The following RNF2 variants were observed in gnomAD, a reference collection of about 807,000 sequenced individuals.
RNF2 encodes E3 ubiquitin-protein ligase RING2.
A neutral mutation model predicts 37.2 loss-of-function variants in RNF2; 6 were observed. That is an observed-to-expected ratio of 0.16 (90% CI 0.09 to 0.32). The LOEUF is 0.32. RNF2 is among the 10% of genes least tolerant of loss of function. The pLI, the probability that RNF2 is intolerant of heterozygous loss-of-function variation, is 1.00. For synonymous variants in RNF2, 133 were observed against 132.7 expected (o/e 1.00, Z -0.02); for missense variants, 251 against 404.0 (o/e 0.62, Z 3.25).
intron 1 of RNF2, among the ~76,000 whole-genome samples, chr1:185,064,059 G>A (rs1650726771): frequency 6.6e-6 from 1 of 152,192 alleles, no homozygotes; most frequent in Non-Finnish European, 1.5e-5. Context: ...TTAGGACGTG[G>A]ACACCTTTGG....
intron 4 of RNF2, among the ~76,000 whole-genome samples, chr1:185,097,716 T>TTA (rs1651951783): frequency 6.6e-6 from 1 of 152,170 alleles, no homozygotes; most frequent in Non-Finnish European, 1.5e-5. Flanking sequence ...TTTTTGTTGT[T>TTA]GGTAGAGACA....
rs769127464 is a variant in RNF2, at chr1:185,100,176, T to C, written c.910-24T>C. 9 of 1,533,330 alleles carry C rather than the reference T, an allele frequency of 5.9e-6. No homozygotes were observed. The Middle Eastern group carries it at 9.2e-4, about 157-fold the overall frequency. 95.0% of individuals were successfully genotyped at this position (1,533,330 alleles called of 1,614,324 possible). On this transcript the variant is annotated intron_variant, in intron 6 of 6. Transcript: ENST00000367510. ...ATTGTGGTTTGTGCAGTTTTCATAA[T>C]TTTTTCTTTCTTTTTTGTTTTAGGT...
intron 1 of RNF2, among the ~76,000 whole-genome samples, chr1:185,062,809 C>T (rs1218827957): frequency 6.8e-6 from 1 of 147,352 alleles, no homozygotes; most frequent in African/African-American, 2.5e-5. Flanking sequence ...ATTGGTAGAC[C>T]TCCCCCCCCC....
intron 1 of RNF2, among the ~76,000 whole-genome samples, chr1:185,063,193 A>G (rs1650664042): frequency 6.6e-6 from 1 of 152,320 alleles, no homozygotes; most frequent in East Asian, 1.9e-4. Flanking sequence ...GAAATGCCAG[A>G]TGTTTCTTAG....
chr1:185,087,488 C>T lies in RNF2; in HGVS notation c.-2-64C>T, dbSNP rs573959009. 5.8e-5 allele frequency: 78 copies of T among 1,349,240 alleles called. No individual in the cohort carries two copies. In the South Asian group the frequency reaches 6.5e-4, roughly 11 times the overall value. 83.6% of individuals were successfully genotyped at this position (1,349,240 alleles called of 1,614,324 possible). On this transcript the variant is annotated intron_variant, in intron 1 of 6. Transcript: ENST00000367510. Reference sequence around the variant, plus strand: ...CGTAGGAATTTTGGTGGGACACATACATTCAGACCATAGCACTTCCCTTCC... The same window carrying T: ...CGTAGGAATTTTGGTGGGACACATATATTCAGACCATAGCACTTCCCTTCC...
At chr1:185,093,320 T>C (rs1407519057) in intron 4 of RNF2, 44 bp downstream of exon 4, 7 of 1,542,580 alleles carry the variant, frequency 4.5e-6, no homozygotes, top group African/African-American at 4.1e-5. Flanking sequence ...TTTTTCTGAA[T>C]ACTTTATTAA....
chr1:185,067,779 C>T (rs547799382), intron 1 of RNF2, among the ~76,000 whole-genome samples: 8 of 145,066 alleles, frequency 5.5e-5, no homozygotes, highest in East Asian at 2.0e-4. Flanking sequence ...GATGCAATCT[C>T]GGCTCTCGGC....
At chr1:185,046,209 G>C (rs1432399304) in intron 1 of RNF2, 2 of 152,294 alleles carry the variant, frequency 1.3e-5, no homozygotes, top group Non-Finnish European at 2.9e-5. Flanking sequence ...CTCGACCTCG[G>C]GGTTCCTCGG....
At chr1:185,045,849 T>A (rs1429148711) in intron 1 of RNF2, among the ~76,000 whole-genome samples, 200 bp downstream of exon 1, 2 of 152,092 alleles carry the variant, frequency 1.3e-5, no homozygotes, top group Admixed American at 6.5e-5. Context: ...GGGTTCTCAT[T>A]GTTCCCGTGT....
intron 1 of RNF2, among the ~76,000 whole-genome samples, chr1:185,063,862 T>C (rs1571300845): frequency 6.6e-6 from 1 of 152,306 alleles, no homozygotes; most frequent in Non-Finnish European, 1.5e-5. Flanking sequence ...CTGGCCTACT[T>C]CATCACAGCT....
chr1:185,102,237 G>A lies in RNF2; in HGVS notation c.*1936G>A, dbSNP rs1030119922. The A allele has an allele frequency of 6.6e-6, 1 of 152,096 alleles. No individual in the cohort carries two copies. The highest frequency in any genetic ancestry group is 1.5e-5 in the Non-Finnish European group (1 of 67,966). 9.4% of individuals were successfully genotyped at this position (152,096 alleles called of 1,614,324 possible). On this transcript the variant is annotated 3_prime_UTR_variant, in exon 7 of 7. Transcript: ENST00000367510. Reference sequence around the variant, plus strand: ...CTAGGTATTTGATAGGGTATTGAGTGTATTTTGTGTGTGTGTGGATGTGTG... The same window carrying A: ...CTAGGTATTTGATAGGGTATTGAGTATATTTTGTGTGTGTGTGGATGTGTG...
chr1:185,089,567 A>G (rs1298336377), intron 2 of RNF2, among the ~76,000 whole-genome samples: 1 of 152,124 alleles, frequency 6.6e-6, no homozygotes, highest in Non-Finnish European at 1.5e-5. Context: ...GGTTCATGTG[A>G]TGAATCAAGG....
Position 185,096,333 on chromosome 1 carries a change from T to C in RNF2, c.465-1739T>C, listed in dbSNP as rs981202310. Among the ~76,000 whole-genome samples, 3 of 152,208 alleles carry C rather than the reference T, an allele frequency of 2.0e-5. 1 individual carries two copies. Among genetic ancestry groups the C allele is most frequent in the African/African-American group, 7.2e-5 (3 of 41,462 alleles). ...CAGTAGTGTTAAGTACATTCTTTTT[T>C]TTCTTTTAAACGATTGGCTCCTCAA... is the stretch of plus-strand genomic sequence containing the variant. On this transcript the variant is annotated intron_variant, in intron 4 of 6. Coordinates refer to ENST00000367510, the MANE Select transcript of RNF2 (RefSeq NM_007212.4).
At chr1:185,057,793 T>G in intron 1 of RNF2, among the ~76,000 whole-genome samples, 1 of 148,790 alleles carries the variant, frequency 6.7e-6, no homozygotes, top group Middle Eastern at 3.4e-3. Context: ...GGTGGAAAAT[T>G]ACTCTAAAGG....
chr1:185,087,674 A>C (rs764334110), intron 2 of RNF2, 34 bp downstream of exon 2: 13 of 1,466,322 alleles, frequency 8.9e-6, no homozygotes, highest in Non-Finnish European at 1.1e-5. Context: ...GGGGCATATG[A>C]GACGTGTAAA....
chr1:185,100,767 A>G lies in RNF2; in HGVS notation c.*466A>G, dbSNP rs1458145908. 6.6e-6 allele frequency: 1 copy of G among 152,436 alleles called. No individual in the cohort carries two copies. Among genetic ancestry groups the G allele is most frequent in the Non-Finnish European group, 1.5e-5 (1 of 67,994 alleles). The allele number at this position is 152,436 out of a possible 1,614,324, so 9.4% of individuals were successfully genotyped here. ...TTTCTATATAAACTGTAGTATCTTC[A>G]TGAAGACCCAAGGCTCAAATTTACT... On this transcript the variant is annotated 3_prime_UTR_variant, in exon 7 of 7. Transcript: ENST00000367510.
chr1:185,064,696 T>G (rs1650748005), intron 1 of RNF2, among the ~76,000 whole-genome samples: 1 of 152,194 alleles, frequency 6.6e-6, no homozygotes, highest in South Asian at 2.1e-4. Context: ...AATAATATTT[T>G]GTCTTCAAAT....
chr1:185,054,536 C>T (rs725303), intron 1 of RNF2, among the ~76,000 whole-genome samples: 2,596 of 152,246 alleles, frequency 0.017, 73 homozygotes, highest in African/African-American at 0.058. Context: ...CCATTACGAG[C>T]GCTCTTCCTG....
intron 1 of RNF2, among the ~76,000 whole-genome samples, chr1:185,070,067 A>T (rs1407990621): frequency 5.9e-5 from 9 of 152,210 alleles, no homozygotes; most frequent in Admixed American, 5.9e-4. Context: ...GGGGGTAGCT[A>T]AATAATTTTC....
Sources: allele counts gnomAD v4.1 joint callset (sites outside exome capture counted in the v4.1 genomes callset), GRCh38; gene constraint gnomAD v4.1.1; transcripts MANE v1.5; gene names NCBI Gene and HGNC (gene_info 2026-07-23, HGNC 2026-07-21).